TENM1: variants seen among roughly 807,000 people sequenced by gnomAD.
The protein encoded by TENM1 is teneurin-1.
TENM1 carries 35 observed loss-of-function variants against 174.8 expected under a neutral mutation model. That is an observed-to-expected ratio of 0.20 (90% CI 0.15 to 0.27). The LOEUF is 0.27. TENM1 is among the 10% of genes least tolerant of loss of function. The pLI is 1.00. For missense variants in TENM1, 1,633 were observed against 2,130.1 expected, an observed-to-expected ratio of 0.77 and a Z score of 4.59; for synonymous variants, 781 against 798.7, an observed-to-expected ratio of 0.98 and a Z score of 0.37.
rs142742881 is a variant in TENM1 at position 124,529,923 on chromosome X, C to T, written c.2712G>A (p.Val904=). The change falls in exon 16 of 32, where the codon GTG becomes GTA. Residue 904 remains valine (V), a synonymous_variant. Coordinates refer to ENST00000422452, the Ensembl canonical transcript of TENM1. Reference sequence around the variant, plus strand: ...CACTGTGGTGCAAGAAACTGACATTCACTCCCACTAGAGGAGTTCCATCTA... The same window carrying T: ...CACTGTGGTGCAAGAAACTGACATTTACTCCCACTAGAGGAGTTCCATCTA... 7.4e-6 allele frequency: 9 copies of T among 1,208,993 alleles called. No individual in the cohort carries two copies. The African/African-American group carries it at 1.6e-4, about 21-fold the overall frequency.
intron 3 of TENM1, among the ~76,000 whole-genome samples, chrX:124,753,109 C>T (rs1378768852): frequency 9.1e-6 from 1 of 109,466 alleles, no homozygotes; most frequent in Non-Finnish European, 1.9e-5. Flanking sequence ...ATTGATTCTT[C>T]CTACCCATGA....
At chrX:124,378,554 A>G (rs1228537859) in exon 32 of TENM1, 1 of 112,184 alleles carries the variant, frequency 8.9e-6, no homozygotes, top group Non-Finnish European at 1.9e-5. Flanking sequence ...AAAAAACCCA[A>G]TAATATGATT....
At chrX:124,694,951 C>A (rs1159423876) in intron 5 of TENM1, among the ~76,000 whole-genome samples, 1 of 112,270 alleles carries the variant, frequency 8.9e-6, no homozygotes, top group East Asian at 2.8e-4. Context: ...ATTTCAACTT[C>A]TGAGTTGACT....
chrX:125,094,482 C>T, the TENM1 span, among the ~76,000 whole-genome samples: 40,586 of 111,054 alleles, frequency 0.37, 7,658 homozygotes, highest in African/African-American at 0.74. Context: ...AAGAAGCCCA[C>T]TGCCACTTTG....
At chrX:124,745,111 G>T (rs924035888) in intron 3 of TENM1, among the ~76,000 whole-genome samples, 2 of 111,953 alleles carry the variant, frequency 1.8e-5, no homozygotes, top group African/African-American at 6.5e-5. Flanking sequence ...TTTCACCCTT[G>T]TCCAAATTTT....
chrX:124,436,258 G>T (rs2060834957), intron 23 of TENM1, among the ~76,000 whole-genome samples: 1 of 110,948 alleles, frequency 9.0e-6, no homozygotes, highest in Non-Finnish European at 1.9e-5. Flanking sequence ...TTTTTCTTTT[G>T]CCAGCTAGAT....
the TENM1 span, among the ~76,000 whole-genome samples, chrX:125,156,551 C>T: frequency 8.9e-6 from 1 of 112,042 alleles, no homozygotes; most frequent in Non-Finnish European, 1.9e-5. Context: ...GGATAATGGC[C>T]TTCATCTGTA....
At chrX:125,169,330 A>G in the TENM1 span, among the ~76,000 whole-genome samples, 1 of 111,667 alleles carries the variant, frequency 9.0e-6, no homozygotes, top group Non-Finnish European at 1.9e-5. Flanking sequence ...AAGCTGAAAA[A>G]TGACCCCATT....
intron 1 of TENM1, among the ~76,000 whole-genome samples, chrX:124,905,630 G>A (rs970049354): frequency 8.9e-6 from 1 of 111,837 alleles, no homozygotes; most frequent in East Asian, 2.8e-4. Flanking sequence ...CAGGCCTCAG[G>A]ACAAGGAGGG....
chrX:125,072,596 G>A, the TENM1 span, among the ~76,000 whole-genome samples: 1 of 111,726 alleles, frequency 9.0e-6, no homozygotes, highest in African/African-American at 3.2e-5. Context: ...TTTGAGGGGT[G>A]TAATGAACAA....
chrX:125,171,767 C>A, the TENM1 span, among the ~76,000 whole-genome samples: 1 of 111,399 alleles, frequency 9.0e-6, no homozygotes, highest in Non-Finnish European at 1.9e-5. Flanking sequence ...AAATAAATTT[C>A]TATTGTTTAT....
Position 124,783,936 on chromosome X carries a change from C to T in TENM1, c.536-46739G>A, listed in dbSNP as rs1182460649. Reference sequence around the variant, plus strand: ...TATATAAACTCTGCCCAAATCTCTCCCTGACCTGGAATCATGCATGTGTGA... The same window carrying T: ...TATATAAACTCTGCCCAAATCTCTCTCTGACCTGGAATCATGCATGTGTGA... On this transcript the variant is annotated intron_variant, in intron 3 of 31. Transcript: ENST00000422452. 7.1e-5 allele frequency among the ~76,000 whole-genome samples: 8 copies of T among 112,007 alleles called. No individual in the cohort carries two copies. In the Admixed American group the frequency reaches 7.6e-4, roughly 11 times the overall value.
At chrX:124,620,323 T>C (rs1199388421) in intron 11 of TENM1, among the ~76,000 whole-genome samples, 4 of 111,138 alleles carry the variant, frequency 3.6e-5, no homozygotes, top group Middle Eastern at 4.7e-3. Flanking sequence ...TGTTGCTTTC[T>C]ACATTCCAAA....
At chrX:124,697,662 TTTA>T (rs1382842534) in intron 5 of TENM1, among the ~76,000 whole-genome samples, 1 of 111,490 alleles carries the variant, frequency 9.0e-6, no homozygotes, top group African/African-American at 3.2e-5. Flanking sequence ...TTTTTAAGTA[TTTA>T]TTAATTTATT....
At chrX:124,480,709 G>C (rs1405273540) in intron 22 of TENM1, among the ~76,000 whole-genome samples, 2 of 111,734 alleles carry the variant, frequency 1.8e-5, no homozygotes, top group Non-Finnish European at 3.8e-5. Flanking sequence ...TGCAACAAAT[G>C]TTTGTATTAT....
intron 10 of TENM1, among the ~76,000 whole-genome samples, chrX:124,644,118 A>ACATATATATGC (rs756223849): frequency 0.011 from 1,132 of 100,100 alleles, 22 homozygotes; most frequent in African/African-American, 0.04. Flanking sequence ...GCAGATATAT[A>ACATATATATGC]CATATATATG....
At chrX:124,398,641 T>A (rs868395414) in intron 27 of TENM1, among the ~76,000 whole-genome samples, 18 of 110,385 alleles carry the variant, frequency 1.6e-4, no homozygotes, top group Admixed American at 1.6e-3. Flanking sequence ...TCTTTTTTTT[T>A]ATTTTTTGGT....
At chrX:124,705,233 A>G (rs199929531) in exon 5 of TENM1, 2 of 1,194,027 alleles carry the variant, frequency 1.7e-6, no homozygotes, top group East Asian at 3.0e-5. Flanking sequence ...AACCAGATCC[A>G]TGTTTGAACA....
chrX:124,743,466 G>A (rs1172339439), intron 3 of TENM1, among the ~76,000 whole-genome samples: 4 of 111,832 alleles, frequency 3.6e-5, no homozygotes, highest in Non-Finnish European at 7.5e-5. Context: ...GTCAGAAGGA[G>A]AGAGAAATAG....
Sources: gnomAD v4.1 joint callset for allele counts (sites outside exome capture counted in the v4.1 genomes callset) on GRCh38, gnomAD v4.1.1 for gene constraint, MANE v1.5 for transcripts, NCBI Gene and HGNC (gene_info 2026-07-23, HGNC 2026-07-21) for gene names.